Variants in RTL9 observed in about 807,000 individuals in gnomAD.
RTL9 encodes the protein retrotransposon Gag-like protein 9.
A neutral mutation model predicts 44.7 loss-of-function variants in RTL9; 19 were observed. That is an observed-to-expected ratio of 0.42 (90% CI 0.30 to 0.62). RTL9 has a LOEUF of 0.62. Ranked by LOEUF, RTL9 falls within the 20% of genes least tolerant of loss-of-function variation. RTL9 has a pLI of 0.16. For synonymous variants in RTL9, 407 were observed against 398.9 expected (o/e 1.02, Z -0.24); for missense variants, 1,105 against 1,080.6 (o/e 1.02, Z -0.32).
At chrX:110,451,739 A>G (rs1157467707) in exon 1 of RTL9, 1 of 1,211,616 alleles carries the variant, frequency 8.3e-7, no homozygotes, top group Non-Finnish European at 1.1e-6. Flanking sequence ...CGATGTCCCC[A>G]TGGTCAACAC....
intron 1 of RTL9, 52 bp downstream of exon 3, chrX:110,454,716 C>G: frequency 2.0e-6 from 2 of 1,021,128 alleles, no homozygotes; most frequent in Non-Finnish European, 2.6e-6. Context: ...ATGAGGAGGT[C>G]ACGACAGGGA....
chrX:110,395,347 T>A (rs1300086790), intron 1 of RTL9, among the ~76,000 whole-genome samples: 1 of 112,064 alleles, frequency 8.9e-6, no homozygotes, highest in African/African-American at 3.2e-5. Context: ...TCTTTTTCCC[T>A]CTTCACCAGG....
At chrX:110,412,690 G>A (rs1011192666) in intron 1 of RTL9, among the ~76,000 whole-genome samples, 18 of 112,465 alleles carry the variant, frequency 1.6e-4, no homozygotes, top group Admixed American at 6.5e-4. Flanking sequence ...TGACAATGAC[G>A]ATGTAGCCAC....
At chrX:110,383,689 A>G (rs962308830) in intron 1 of RTL9, among the ~76,000 whole-genome samples, 1 of 110,931 alleles carries the variant, frequency 9.0e-6, no homozygotes, top group African/African-American at 3.3e-5. Context: ...GTAAATTCCT[A>G]CTCTCCTTTA....
chrX:110,411,725 A>T (rs994890724), intron 1 of RTL9, among the ~76,000 whole-genome samples: 6 of 111,972 alleles, frequency 5.4e-5, no homozygotes, highest in Non-Finnish European at 7.5e-5. Context: ...TATTCAGAAT[A>T]CTCCACCAGC....
At chrX:110,430,972 G>A (rs984667894) in intron 1 of RTL9, among the ~76,000 whole-genome samples, 59 of 111,915 alleles carry the variant, frequency 5.3e-4, no homozygotes, top group Non-Finnish European at 3.8e-4. Flanking sequence ...ATGATACTCA[G>A]GACTCCCTGA....
intron 1 of RTL9, among the ~76,000 whole-genome samples, chrX:110,396,230 A>G (rs1445858167): frequency 9.0e-6 from 1 of 111,047 alleles, no homozygotes; most frequent in Admixed American, 9.6e-5. Flanking sequence ...AAAAATTATT[A>G]TGGAAATTTT....
At chrX:110,454,110 G>A in exon 1 of RTL9, 1 of 1,212,171 alleles carries the variant, frequency 8.2e-7, no homozygotes, top group Non-Finnish European at 1.1e-6. Flanking sequence ...ATGCTCTGTG[G>A]AGGAAGAGAT....
chrX:110,455,441 C>A, exon 2 of RTL9: 1 of 892,174 alleles, frequency 1.1e-6, no homozygotes, highest in Non-Finnish European at 1.6e-6. Context: ...CAGCCTCCCG[C>A]TCCAGGCACA....
chrX:110,435,748 T>C (rs1342940700), intron 1 of RTL9, among the ~76,000 whole-genome samples: 1 of 112,168 alleles, frequency 8.9e-6, no homozygotes, highest in Admixed American at 9.5e-5. Flanking sequence ...CTGAACATTT[T>C]ACACTCATCA....
chrX:110,403,538 T>C lies in RTL9; in HGVS notation c.-167-41615T>C, dbSNP rs779043707. Among the ~76,000 whole-genome samples the C allele has an allele frequency of 3.6e-5, 4 of 110,902 alleles. No individual in the cohort carries two copies. In the South Asian group the frequency reaches 1.6e-3, roughly 44 times the overall value. On this transcript the variant is annotated intron_variant, in intron 1 of 2. Coordinates refer to the RTL9 transcript ENST00000520821. ...CGTCCATGATACCAGGGCAGCAGAA[T>C]TGGGGCACATTAGAGACACAGGCTC...
upstream of RTL9, among the ~76,000 whole-genome samples, chrX:110,449,874 C>T (rs1407419676): frequency 2.7e-5 from 3 of 112,191 alleles, no homozygotes; most frequent in Admixed American, 9.4e-5. Flanking sequence ...CTTACAAAGG[C>T]CCTCACGTTA....
intron 1 of RTL9, among the ~76,000 whole-genome samples, chrX:110,433,125 C>T (rs184626833): frequency 8.9e-6 from 1 of 112,587 alleles, no homozygotes; most frequent in Non-Finnish European, 1.9e-5. Context: ...GCTCCAAGAC[C>T]TGCCTCAGTG....
intron 1 of RTL9, among the ~76,000 whole-genome samples, chrX:110,368,691 T>G (rs2068315433): frequency 8.9e-6 from 1 of 112,444 alleles, no homozygotes; most frequent in Non-Finnish European, 1.9e-5. Context: ...TTTGTTTGTT[T>G]ACTGTCTATC....
intron 1 of RTL9, among the ~76,000 whole-genome samples, chrX:110,410,627 G>T (rs1181455903): frequency 1.8e-5 from 2 of 111,907 alleles, no homozygotes; most frequent in African/African-American, 6.5e-5. Flanking sequence ...CCAGATGCTT[G>T]TCTCCTGGGG....
chrX:110,435,010 C>A (rs2068826190), intron 1 of RTL9, among the ~76,000 whole-genome samples: 1 of 102,223 alleles, frequency 9.8e-6, no homozygotes, highest in Non-Finnish European at 2.0e-5. Flanking sequence ...TGCACTCAGG[C>A]CAGTGACAGA....
At chrX:110,452,388 C>T (rs1209856882) in exon 1 of RTL9, 1 of 1,210,053 alleles carries the variant, frequency 8.3e-7, no homozygotes, top group Admixed American at 2.2e-5. Flanking sequence ...AACATCCACG[C>T]TGTTAATGAG....
At chrX:110,424,166 A>C (rs1437501010) in intron 1 of RTL9, among the ~76,000 whole-genome samples, 1 of 111,795 alleles carries the variant, frequency 8.9e-6, no homozygotes, top group Non-Finnish European at 1.9e-5. Context: ...ATAAGTTGAG[A>C]GCTAGGATTC....
intron 1 of RTL9, among the ~76,000 whole-genome samples, chrX:110,433,901 T>C (rs1452455438): frequency 2.7e-5 from 3 of 112,244 alleles, no homozygotes; most frequent in Admixed American, 9.4e-5. Context: ...GTACTGAGAA[T>C]ATAAAGAGGA....
Sources: allele counts gnomAD v4.1 joint callset (sites outside exome capture counted in the v4.1 genomes callset), GRCh38; gene constraint gnomAD v4.1.1; transcripts MANE v1.5; gene names NCBI Gene and HGNC (gene_info 2026-07-23, HGNC 2026-07-21).